NTRK1: variants seen among roughly 807,000 people sequenced by gnomAD.
The protein encoded by NTRK1 is high affinity nerve growth factor receptor.
NTRK1 carries 62 observed loss-of-function variants against 86.8 expected under a neutral mutation model. The ratio of observed to expected loss-of-function variants is 0.71; its 90% CI spans 0.58 to 0.88. NTRK1 has a LOEUF of 0.88. NTRK1 is among the 40% of genes least tolerant of loss of function. The probability of loss-of-function intolerance (pLI) is 0.00; values close to 1 mark genes in which losing one functional copy is unlikely to be tolerated. For synonymous variants in NTRK1, 469 were observed against 456.6 expected, an observed-to-expected ratio of 1.03 and a Z score of -0.35; for missense variants, 967 against 1,078.4, an observed-to-expected ratio of 0.90 and a Z score of 1.45.
chr1:156,816,791 C>T, intron 1 of NTRK1: 1 of 1,307,168 alleles, frequency 7.7e-7, no homozygotes, highest in East Asian at 2.7e-5. Flanking sequence ...CTCATCATCT[C>T]TCCTCTCACC....
chr1:156,880,234 G>C (rs1356469754), intron 16 of NTRK1, 77 bp downstream of exon 16: 1 of 1,522,232 alleles, frequency 6.6e-7, no homozygotes, highest in Non-Finnish European at 9.0e-7. Context: ...CAGGGAACTC[G>C]GTTCCCCTTC....
chr1:156,869,018 C>CCCTTCCTTCCTGCCTT (rs1647376392), intron 6 of NTRK1, among the ~76,000 whole-genome samples: 5 of 43,530 alleles, frequency 1.1e-4, no homozygotes, highest in Non-Finnish European at 2.1e-4. Context: ...TTTTCTCTCT[C>CCCTTCCTTCCTGCCTT]CCTTCCTTCC....
upstream of NTRK1, among the ~76,000 whole-genome samples, chr1:156,859,807 G>A (rs1655545419): frequency 6.6e-6 from 1 of 152,106 alleles, no homozygotes; most frequent in South Asian, 2.1e-4. The surrounding 1 kb of genome is among the most constrained non-coding windows in gnomAD (Gnocchi z 6.2). Context: ...CCGCTCCCTG[G>A]GGCCTTGCCT....
intron 6 of NTRK1, among the ~76,000 whole-genome samples, chr1:156,870,624 T>G (rs888486123): frequency 2.6e-5 from 4 of 152,116 alleles, no homozygotes; most frequent in Non-Finnish European, 5.9e-5. Flanking sequence ...ACTCACATAT[T>G]CCAATGGAAG....
chr1:156,833,331 C>A (rs1285905208), intron 1 of NTRK1, among the ~76,000 whole-genome samples: 1 of 152,088 alleles, frequency 6.6e-6, no homozygotes, highest in Admixed American at 6.6e-5. Context: ...CCGAGGCGGG[C>A]AGATCACCTG....
At chr1:156,836,221 C>T (rs1286710768) in intron 1 of NTRK1, among the ~76,000 whole-genome samples, 1 of 152,142 alleles carries the variant, frequency 6.6e-6, no homozygotes, top group Non-Finnish European at 1.5e-5. Flanking sequence ...GCAGAAAGTC[C>T]CCCTGTTGTT....
At chr1:156,850,403 G>T (rs1178210819) in intron 2 of NTRK1, among the ~76,000 whole-genome samples, 1 of 151,466 alleles carries the variant, frequency 6.6e-6, no homozygotes, top group Middle Eastern at 3.4e-3. Flanking sequence ...GTAGAGATGG[G>T]TTTTCTCCAT....
chr1:156,876,815 G>C (rs934020111), intron 14 of NTRK1, among the ~76,000 whole-genome samples: 2 of 152,202 alleles, frequency 1.3e-5, no homozygotes, highest in Admixed American at 6.5e-5. Flanking sequence ...AAGGCCGTGA[G>C]CTAAAACTTT....
chr1:156,854,209 C>G lies in NTRK1; in HGVS notation c.51-10145C>G, dbSNP rs1450192805. 1.9e-6 allele frequency: 3 copies of G among 1,614,070 alleles called. No homozygotes were observed. The Admixed American group carries it at 5.0e-5, about 27-fold the overall frequency. On this transcript the variant is annotated intron_variant, in intron 2 of 16. Coordinates refer to the NTRK1 transcript ENST00000392302. This position sits in a 1 kb window ranked among gnomAD's most constrained non-coding sequence, Gnocchi z 4.2. ...GGAAGTCCTCCCCGGTGGCTGTGAACATGAGCAGGATCTGCAGGTGGCCCT... is the reference window on the plus strand; with the variant it reads ...GGAAGTCCTCCCCGGTGGCTGTGAAGATGAGCAGGATCTGCAGGTGGCCCT...
upstream of NTRK1, among the ~76,000 whole-genome samples, chr1:156,858,320 T>C (rs578258849): frequency 3.7e-4 from 57 of 152,312 alleles, no homozygotes; most frequent in Middle Eastern, 3.4e-3. Context: ...TGTCCACGTT[T>C]TGAAGCTCTT....
Position 156,874,985 on chromosome 1 carries a change from G to A in NTRK1, c.1331G>A (p.Arg444Gln), listed in dbSNP as rs56320207. ...TLLLVLNKCG[R>Q]RNKFGINRPA... ...CTCCTTGTGCTCAACAAATGTGGAC[G>A]GAGAAACAAGTTTGGGATCAACCGT... Residue 444 changes from arginine (R) to glutamine (Q), a missense_variant, in exon 11 of 17, where the codon CGG becomes CAG. Physicochemically the swap from Arg to Gln is conservative, Grantham distance 43. Around this residue, in one of 2 missense-constraint regions of NTRK1, gnomAD observed 637 missense variants for 776.5 expected, o/e 0.82. Coordinates refer to ENST00000524377, the MANE Select transcript of NTRK1 (RefSeq NM_002529.4). 2,986 of 1,613,750 alleles carry A rather than the reference G, an allele frequency of 1.9e-3. 50 individuals carry two copies. The African/African-American group carries it at 0.034, about 19-fold the overall frequency.
upstream of NTRK1, among the ~76,000 whole-genome samples, chr1:156,857,032 C>G (rs1373977098): frequency 6.6e-6 from 1 of 152,132 alleles, no homozygotes; most frequent in Non-Finnish European, 1.5e-5. Flanking sequence ...ACATGCCACG[C>G]TATCCAGGCC....
chr1:156,855,558 C>T (rs1655380408), intron 2 of NTRK1, among the ~76,000 whole-genome samples: 1 of 151,556 alleles, frequency 6.6e-6, no homozygotes. Flanking sequence ...TGCAGTGGCT[C>T]ACATCTGTAA....
intron 2 of NTRK1, among the ~76,000 whole-genome samples, chr1:156,853,564 G>A (rs1655304060): frequency 6.6e-6 from 1 of 152,108 alleles, no homozygotes. Flanking sequence ...CTACCCCTTA[G>A]CTGTCTTATG....
At chr1:156,849,033 G>GGGTGCGAGTCTGGCCTGGGT in intron 2 of NTRK1, 1 of 1,613,398 alleles carries the variant, frequency 6.2e-7, no homozygotes. Flanking sequence ...ACGAAGCGCA[G>GGGTGCGAGTCTGGCCTGGGT]GGTGCGAGTC....
chr1:156,866,575 C>G (rs1258651925), intron 3 of NTRK1, among the ~76,000 whole-genome samples: 3 of 152,194 alleles, frequency 2.0e-5, no homozygotes, highest in African/African-American at 7.2e-5. Flanking sequence ...GACCCCTTCC[C>G]CCAGCTGTGG....
Position 156,854,066 on chromosome 1 carries a change from C to T in NTRK1, c.51-10288C>T, listed in dbSNP as rs374655019. ...GACCAGTGCATAGCCCAGGAAGAGG[C>T]GCGTCCCGCGGATGACTGCTAGGTT... is the stretch of plus-strand genomic sequence containing the variant. On this transcript the variant is annotated intron_variant, in intron 2 of 16. Coordinates refer to the NTRK1 transcript ENST00000392302. The surrounding 1 kb of genome is among the most constrained non-coding windows in gnomAD (Gnocchi z 4.2). The T allele has an allele frequency of 1.5e-5, 24 of 1,613,922 alleles. No homozygotes were observed. The highest frequency in any genetic ancestry group is 6.7e-5 in the Admixed American group (4 of 60,008).
chr1:156,818,575 T>C (rs1654091116), intron 1 of NTRK1, among the ~76,000 whole-genome samples: 1 of 152,214 alleles, frequency 6.6e-6, no homozygotes, highest in African/African-American at 2.4e-5. Context: ...ACATACGATA[T>C]TTGATTTTCC....
chr1:156,864,864 G>A (rs1446863708), intron 3 of NTRK1, 65 bp downstream of exon 3: 3 of 1,498,272 alleles, frequency 2.0e-6, no homozygotes, highest in African/African-American at 2.7e-5. Context: ...CTGCTAATGG[G>A]CTTGGCTGTC....
Sources: gnomAD v4.1 joint callset for allele counts (sites outside exome capture counted in the v4.1 genomes callset) on GRCh38, gnomAD v4.1.1 for gene constraint, gnomAD v4.1.1 regional missense constraint, Gnocchi (gnomAD v3.1) non-coding constraint, MANE v1.5 for transcripts, NCBI Gene and HGNC (gene_info 2026-07-23, HGNC 2026-07-21) for gene names.